Variants in ZHX2 observed in about 807,000 individuals in gnomAD.
The protein encoded by ZHX2 is zinc fingers and homeoboxes protein 2.
ZHX2 carries 6 observed loss-of-function variants against 21.9 expected under a neutral mutation model. That is an observed-to-expected ratio of 0.27 (90% CI 0.15 to 0.54). The LOEUF is 0.54. Among genes scored for constraint, ZHX2 ranks in the 20% least tolerant of loss-of-function variants. ZHX2 has a pLI of 0.95. For synonymous variants in ZHX2, 434 were observed against 437.1 expected (o/e 0.99, Z 0.09); for missense variants, 908 against 1,090.7 (o/e 0.83, Z 2.36).
chr8:122,869,404 T>C (rs1819378327), intron 2 of ZHX2, among the ~76,000 whole-genome samples: 1 of 151,916 alleles, frequency 6.6e-6, no homozygotes, highest in Non-Finnish European at 1.5e-5. Flanking sequence ...CTCGGCTCAC[T>C]GCAACCTCCG....
chr8:122,936,247 A>G (rs1812688543), intron 2 of ZHX2, among the ~76,000 whole-genome samples: 1 of 152,220 alleles, frequency 6.6e-6, no homozygotes, highest in African/African-American at 2.4e-5. Flanking sequence ...GACAGGGATG[A>G]CGTGATCAGA....
At chr8:122,811,584 G>A (rs574758155) in intron 1 of ZHX2, among the ~76,000 whole-genome samples, 33 of 152,302 alleles carry the variant, frequency 2.2e-4, no homozygotes, top group Non-Finnish European at 4.7e-4. Flanking sequence ...CCCTCTGATA[G>A]GGGCAGACAG....
chr8:122,877,349 C>T (rs1819595748), intron 2 of ZHX2, among the ~76,000 whole-genome samples: 1 of 152,176 alleles, frequency 6.6e-6, no homozygotes. Flanking sequence ...CCCATGGTAC[C>T]ATGCATACAA....
chr8:122,832,087 A>G (rs756415325), intron 1 of ZHX2, among the ~76,000 whole-genome samples: 1 of 152,108 alleles, frequency 6.6e-6, no homozygotes, highest in South Asian at 2.1e-4. Flanking sequence ...AGGTATAAGG[A>G]AGGTTTGAAC....
At chr8:122,861,464 GA>G (rs1248580578) in intron 1 of ZHX2, among the ~76,000 whole-genome samples, 1 of 152,164 alleles carries the variant, frequency 6.6e-6, no homozygotes, top group Non-Finnish European at 1.5e-5. Context: ...TTTACATTGA[GA>G]AAAGTACTGG....
At chr8:122,816,037 G>A (rs553817813) in intron 1 of ZHX2, among the ~76,000 whole-genome samples, 2 of 136,518 alleles carry the variant, frequency 1.5e-5, no homozygotes, top group African/African-American at 2.8e-5. Flanking sequence ...CCAAGATCAC[G>A]CCACCACACT....
In ZHX2 at chr8:122,782,235, G is replaced by A. The variant is rs1464919877; in HGVS notation, c.-283+289G>A. On this transcript the variant is annotated intron_variant, in intron 1 of 3. Coordinates refer to ENST00000314393, the MANE Select transcript of ZHX2 (RefSeq NM_014943.5). This position sits in a 1 kb window ranked among gnomAD's most constrained non-coding sequence, Gnocchi z 5.3. ...TGATTACAAGTTTGGATAAATGGGA[G>A]CCAGAGCGAGGAGGAGGAGGAGGAG... Among the ~76,000 whole-genome samples the A allele has an allele frequency of 6.6e-6, 1 of 152,106 alleles. No homozygotes were observed. The highest frequency in any genetic ancestry group is 1.5e-5 in the Non-Finnish European group (1 of 68,008).
chr8:122,815,142 T>C (rs1363575817), intron 1 of ZHX2, among the ~76,000 whole-genome samples: 1 of 152,252 alleles, frequency 6.6e-6, no homozygotes, highest in Non-Finnish European at 1.5e-5. Flanking sequence ...CAGACCTGTC[T>C]TTCTGTTATT....
chr8:122,854,543 C>T (rs910440018), intron 1 of ZHX2, among the ~76,000 whole-genome samples: 5 of 152,000 alleles, frequency 3.3e-5, no homozygotes, highest in South Asian at 2.1e-4. Context: ...AGTCCCTCGA[C>T]GCCTCTTTCC....
intron 2 of ZHX2, among the ~76,000 whole-genome samples, chr8:122,910,742 T>G (rs1348651605): frequency 6.6e-4 from 80 of 122,080 alleles, no homozygotes; most frequent in Middle Eastern, 3.7e-3. Flanking sequence ...TGCTGGGGGG[T>G]GGGGGGTGGG....
intron 1 of ZHX2, among the ~76,000 whole-genome samples, chr8:122,821,109 G>A (rs1818136238): frequency 6.6e-6 from 1 of 152,212 alleles, no homozygotes; most frequent in Admixed American, 6.5e-5. Flanking sequence ...GTAGCAGTGA[G>A]GGGTGGGCAA....
intron 1 of ZHX2, among the ~76,000 whole-genome samples, chr8:122,783,177 T>C (rs998230966): frequency 1.3e-5 from 2 of 152,132 alleles, no homozygotes; most frequent in African/African-American, 4.8e-5. Flanking sequence ...CCAGTAGGTC[T>C]CTACCTTCAA....
At chr8:122,855,872 T>C (rs1247757808) in intron 1 of ZHX2, among the ~76,000 whole-genome samples, 1 of 152,192 alleles carries the variant, frequency 6.6e-6, no homozygotes, top group Non-Finnish European at 1.5e-5. Context: ...ATGAGTTTAA[T>C]CTCATACCTC....
intron 1 of ZHX2, among the ~76,000 whole-genome samples, chr8:122,793,861 T>G (rs902006452): frequency 6.6e-6 from 1 of 152,164 alleles, no homozygotes; most frequent in Non-Finnish European, 1.5e-5. Context: ...GCATCAGACC[T>G]CCTACTGCCA....
intron 1 of ZHX2, among the ~76,000 whole-genome samples, chr8:122,787,999 A>T (rs192512166): frequency 1.3e-5 from 2 of 152,328 alleles, no homozygotes; most frequent in Admixed American, 1.3e-4. Flanking sequence ...CCCCACAGCC[A>T]TCTCATCCCC....
chr8:122,957,296 C>A (rs374864473), intron 3 of ZHX2, among the ~76,000 whole-genome samples: 1,877 of 109,236 alleles, frequency 0.017, no homozygotes, highest in Middle Eastern at 0.019. Flanking sequence ...GCTGTGTTCA[C>A]AAAAAAAAAA....
At chr8:122,925,351 A>C (rs183485219) in intron 2 of ZHX2, among the ~76,000 whole-genome samples, 5 of 152,328 alleles carry the variant, frequency 3.3e-5, no homozygotes, top group African/African-American at 1.2e-4. Flanking sequence ...CGTAACTGCT[A>C]ACTGAGCACC....
chr8:122,954,570 A>G (rs1299048461), intron 3 of ZHX2, among the ~76,000 whole-genome samples: 1 of 152,156 alleles, frequency 6.6e-6, no homozygotes, highest in Non-Finnish European at 1.5e-5. Flanking sequence ...CTGCCTCCCA[A>G]AGTGCTGGGA....
intron 2 of ZHX2, among the ~76,000 whole-genome samples, chr8:122,947,045 C>CAGG (rs1057176216): frequency 2.2e-5 from 3 of 136,270 alleles, no homozygotes; most frequent in African/African-American, 8.2e-5. Flanking sequence ...GGCTTGAGCC[C>CAGG]AGGAGTTCGA....
Sources: allele counts gnomAD v4.1 joint callset (sites outside exome capture counted in the v4.1 genomes callset), GRCh38; gene constraint gnomAD v4.1.1; non-coding constraint Gnocchi (gnomAD v3.1); transcripts MANE v1.5; gene names NCBI Gene and HGNC (gene_info 2026-07-23, HGNC 2026-07-21).